The following ACSS3 variants were observed in gnomAD, a reference collection of about 807,000 sequenced individuals.
ACSS3 encodes the protein acyl-CoA synthetase short chain family member 3, also known as acyl-CoA synthetase short-chain family member 3, mitochondrial.
A neutral mutation model predicts 84.2 loss-of-function variants in ACSS3; 64 were observed. The observed-to-expected ratio is 0.76, with a 90% confidence interval of 0.62 to 0.94. The LOEUF (loss-of-function observed/expected upper bound fraction) is 0.94. ACSS3 is among the 40% of genes least tolerant of loss of function. The probability of loss-of-function intolerance (pLI) is 0.00; values close to 1 mark genes in which losing one functional copy is unlikely to be tolerated. For missense variants in ACSS3, 815 were observed against 867.6 expected (o/e 0.94, Z 0.76); for synonymous variants, 317 against 310.1 (o/e 1.02, Z -0.23).
chr12:81,222,051 T>C (rs1460123527), intron 11 of ACSS3, among the ~76,000 whole-genome samples: 3 of 152,102 alleles, frequency 2.0e-5, no homozygotes, highest in Non-Finnish European at 4.4e-5. Context: ...ATTTTTTTCT[T>C]ATAGCCATTA....
chr12:81,231,870 A>ACCCCCCC (rs1297248218), intron 12 of ACSS3, among the ~76,000 whole-genome samples: 1 of 115,356 alleles, frequency 8.7e-6, no homozygotes, highest in African/African-American at 3.3e-5. Context: ...ACCACCCCCC[A>ACCCCCCC]CCCCCACCGC....
intron 13 of ACSS3, among the ~76,000 whole-genome samples, chr12:81,240,607 A>C (rs902792780): frequency 2.0e-5 from 3 of 151,258 alleles, no homozygotes; most frequent in Non-Finnish European, 4.4e-5. Flanking sequence ...TGTTGCCCTT[A>C]CTCTTTGTTT....
chr12:81,077,925 G>T (rs2121231897), upstream of ACSS3: 1 of 574,252 alleles, frequency 1.7e-6, no homozygotes, highest in Non-Finnish European at 2.8e-6. Flanking sequence ...CTGTCCCGGG[G>T]CCCCCACTTT....
At chr12:81,168,891 G>A (rs936243278) in intron 7 of ACSS3, among the ~76,000 whole-genome samples, 2 of 152,152 alleles carry the variant, frequency 1.3e-5, no homozygotes, top group African/African-American at 4.8e-5. Flanking sequence ...AGGCAGGTTG[G>A]TATTGAAAAA....
chr12:81,211,136 T>G (rs2032574846), intron 9 of ACSS3, among the ~76,000 whole-genome samples: 1 of 151,942 alleles, frequency 6.6e-6, no homozygotes, highest in South Asian at 2.1e-4. Context: ...CTTGGCTAAT[T>G]TTTGTATTTT....
At chr12:81,192,409 C>A (rs1041480542) in intron 8 of ACSS3, among the ~76,000 whole-genome samples, 2 of 151,952 alleles carry the variant, frequency 1.3e-5, no homozygotes, top group Admixed American at 6.6e-5. Flanking sequence ...AAACAAAAAA[C>A]AGAAAGAAAA....
intron 7 of ACSS3, among the ~76,000 whole-genome samples, chr12:81,171,628 A>G (rs567004165): frequency 1.3e-5 from 2 of 152,288 alleles, no homozygotes; most frequent in East Asian, 1.9e-4. Flanking sequence ...TTTATAATCC[A>G]TAAGTATAAT....
intron 2 of ACSS3, among the ~76,000 whole-genome samples, chr12:81,133,671 G>A (rs1363078688): frequency 6.6e-6 from 1 of 151,814 alleles, no homozygotes; most frequent in Admixed American, 6.6e-5. Context: ...TCTTTACTCT[G>A]CTCTACTTCC....
At chr12:81,080,228 T>C (rs6539553) in intron 1 of ACSS3, among the ~76,000 whole-genome samples, 64,982 of 151,790 alleles carry the variant, frequency 0.43, 15,794 homozygotes, top group Non-Finnish European at 0.56. Context: ...AGAGGACAAT[T>C]AGGGATCAGC....
At chr12:81,126,669 G>A (rs746807188) in intron 2 of ACSS3, among the ~76,000 whole-genome samples, 1 of 152,110 alleles carries the variant, frequency 6.6e-6, no homozygotes, top group Non-Finnish European at 1.5e-5. Flanking sequence ...TGAAATTACA[G>A]TCTGAAAATC....
intron 1 of ACSS3, among the ~76,000 whole-genome samples, chr12:81,092,539 T>C (rs147507424): frequency 1.2e-3 from 177 of 152,250 alleles, no homozygotes; most frequent in African/African-American, 4.1e-3. Context: ...ACAGTGGCCA[T>C]TTTCTAACTA....
chr12:81,201,421 A>T (rs1441961819), intron 9 of ACSS3, among the ~76,000 whole-genome samples: 1 of 152,242 alleles, frequency 6.6e-6, no homozygotes, highest in Admixed American at 6.5e-5. Context: ...CACATTCACA[A>T]ATAAAATTAT....
intron 11 of ACSS3, 122 bp downstream of exon 11, chr12:81,220,198 C>A: frequency 2.1e-6 from 1 of 474,684 alleles, no homozygotes; most frequent in Non-Finnish European, 3.7e-6. Flanking sequence ...TTGTGTGTTG[C>A]TTAAGAACTG....
intron 11 of ACSS3, among the ~76,000 whole-genome samples, chr12:81,228,739 G>C (rs1016245182): frequency 6.6e-6 from 1 of 151,640 alleles, no homozygotes; most frequent in Admixed American, 6.6e-5. Flanking sequence ...GTACATACTA[G>C]GCTACCAGGA....
chr12:81,102,967 C>A (rs1241415283), intron 1 of ACSS3, among the ~76,000 whole-genome samples: 1 of 152,134 alleles, frequency 6.6e-6, no homozygotes, highest in African/African-American at 2.4e-5. Flanking sequence ...TTTTAATGTG[C>A]ACACATGTGT....
chr12:81,096,129 A>C lies in ACSS3; in HGVS notation c.312-13431A>C, dbSNP rs75408877. Among the ~76,000 whole-genome samples the C allele has an allele frequency of 9.9e-5, 15 of 152,252 alleles. 1 individual carries two copies. The East Asian group carries it at 2.9e-3, about 29-fold the overall frequency. Reference sequence around the variant, plus strand: ...AATGTTGCCCTCTTAAAAATACTTAAAGCCTGCTCTGTTTCTGTGCAACAG... The same window carrying C: ...AATGTTGCCCTCTTAAAAATACTTACAGCCTGCTCTGTTTCTGTGCAACAG... On this transcript the variant is annotated intron_variant, in intron 1 of 15. Transcript: ENST00000548058.
chr12:81,199,705 A>C, intron 9 of ACSS3: 1 of 1,374,290 alleles, frequency 7.3e-7, no homozygotes, highest in Non-Finnish European at 9.6e-7. Flanking sequence ...TTTGTTTCTT[A>C]TATCTGGTAA....
At chr12:81,244,805 T>C (rs147532685) in intron 13 of ACSS3, among the ~76,000 whole-genome samples, 1 of 152,124 alleles carries the variant, frequency 6.6e-6, no homozygotes, top group Non-Finnish European at 1.5e-5. Context: ...TTAATGCCCT[T>C]AACATATTAA....
intron 3 of ACSS3, among the ~76,000 whole-genome samples, chr12:81,136,206 G>A (rs1217786772): frequency 1.3e-5 from 2 of 152,066 alleles, no homozygotes; most frequent in Non-Finnish European, 2.9e-5. Flanking sequence ...CTGGCATATA[G>A]TACACATTTA....
Sources: allele counts gnomAD v4.1 joint callset (sites outside exome capture counted in the v4.1 genomes callset), GRCh38; gene constraint gnomAD v4.1.1; transcripts MANE v1.5; gene names NCBI Gene and HGNC (gene_info 2026-07-23, HGNC 2026-07-21).